Variants in LHFPL2 observed in about 807,000 individuals in gnomAD.
The protein encoded by LHFPL2 is LHFPL tetraspan subfamily member 2 protein.
In LHFPL2, 7 loss-of-function variants were observed where a neutral mutation model predicts 17.5. The observed-to-expected ratio is 0.40, with a 90% CI of 0.23 to 0.75. The LOEUF (loss-of-function observed/expected upper bound fraction) is 0.75, where lower values mean the gene tolerates loss of function less well. Among genes scored for constraint, LHFPL2 ranks in the 30% least tolerant of loss-of-function variants. The pLI is 0.37. For synonymous variants in LHFPL2, 134 were observed against 116.2 expected (o/e 1.15, Z -0.99); for missense variants, 241 against 294.8 (o/e 0.82, Z 1.34).
At chr5:78,629,751 T>C (rs1421349581) in intron 2 of LHFPL2, among the ~76,000 whole-genome samples, 1 of 152,214 alleles carries the variant, frequency 6.6e-6, no homozygotes, top group African/African-American at 2.4e-5. Flanking sequence ...TGTCTGCTAG[T>C]TGCCTTTGCT....
At chr5:78,584,156 G>C (rs1187468767) in intron 2 of LHFPL2, among the ~76,000 whole-genome samples, 1 of 147,796 alleles carries the variant, frequency 6.8e-6, no homozygotes, top group Non-Finnish European at 1.5e-5. Context: ...GCACTTCTCT[G>C]TATTGGTTAT....
chr5:78,620,377 T>G (rs898922893), intron 2 of LHFPL2, among the ~76,000 whole-genome samples: 1 of 152,184 alleles, frequency 6.6e-6, no homozygotes, highest in Non-Finnish European at 1.5e-5. Flanking sequence ...CGTAAATTTG[T>G]TTGAGTTCTT....
At position 78,509,944 on chromosome 5, in the gene LHFPL2, G is replaced by T; in HGVS notation, c.270C>A (p.Gly90=). The T allele has an allele frequency of 6.2e-7, 1 of 1,613,742 alleles. No homozygotes were observed. The change falls in exon 4 of 5, where the codon GGC becomes GGA. Residue 90 remains glycine, a synonymous_variant. Coordinates refer to ENST00000380345, the MANE Select transcript of LHFPL2 (RefSeq NM_005779.3). The part of the protein sequence containing the change: ...TLCGPYAESF[G]EIASGFWQAT... Reference sequence around the variant, plus strand: ...CCTGCCAGAAGCCGCTGGCGATCTCGCCGAAGCTCTCGGCGTAGGGCCCGC... The same window carrying T: ...CCTGCCAGAAGCCGCTGGCGATCTCTCCGAAGCTCTCGGCGTAGGGCCCGC...
chr5:78,552,894 A>T (rs546918073), intron 3 of LHFPL2, among the ~76,000 whole-genome samples: 1 of 152,278 alleles, frequency 6.6e-6, no homozygotes, highest in East Asian at 1.9e-4. Flanking sequence ...TGTAGCACAA[A>T]TTGTTGGTTT....
At chr5:78,547,987 C>A (rs1360501624) in intron 3 of LHFPL2, among the ~76,000 whole-genome samples, 3 of 152,250 alleles carry the variant, frequency 2.0e-5, no homozygotes, top group Non-Finnish European at 4.4e-5. Context: ...GACTCCCAGC[C>A]TGAGTCATTC....
chr5:78,538,446 G>A (rs1756013382), intron 3 of LHFPL2, among the ~76,000 whole-genome samples: 1 of 152,098 alleles, frequency 6.6e-6, no homozygotes, highest in Non-Finnish European at 1.5e-5. Flanking sequence ...TCAATACTGG[G>A]CCCACATGTC....
intron 3 of LHFPL2, among the ~76,000 whole-genome samples, chr5:78,531,341 C>T (rs1047280746): frequency 1.3e-4 from 20 of 149,368 alleles, no homozygotes; most frequent in African/African-American, 4.7e-4. Flanking sequence ...CTTGAATCCA[C>T]GAGGCAGAGG....
At position 78,648,298 on chromosome 5, in the gene LHFPL2, C is replaced by A. The variant is rs540066807; in HGVS notation, c.-350+201G>T. On this transcript the variant is annotated intron_variant, in intron 1 of 4. Coordinates refer to ENST00000380345, the MANE Select transcript of LHFPL2 (RefSeq NM_005779.3). The surrounding 1 kb of genome is among the most constrained non-coding windows in gnomAD (Gnocchi z 5.4). ...TTCCCTTCCCATTCCCAGCACCCAA[C>A]GCCCATCCCGCAGCACCTCCGACCG... Among the ~76,000 whole-genome samples the A allele has an allele frequency of 2.6e-5, 4 of 152,216 alleles. No individual in the cohort carries two copies. The highest frequency in any genetic ancestry group is 1.9e-4 in the East Asian group (1 of 5,168).
chr5:78,510,732 C>G (rs142493140), intron 3 of LHFPL2, among the ~76,000 whole-genome samples: 72 of 151,702 alleles, frequency 4.7e-4, no homozygotes, highest in African/African-American at 1.8e-3. Flanking sequence ...TCATCTTTTA[C>G]TGGAAAAAGT....
At chr5:78,538,776 C>T (rs1456696815) in intron 3 of LHFPL2, among the ~76,000 whole-genome samples, 1 of 152,184 alleles carries the variant, frequency 6.6e-6, no homozygotes, top group Non-Finnish European at 1.5e-5. Flanking sequence ...CAGGAGCACC[C>T]ACAGTATAAG....
chr5:78,599,511 A>G (rs936627364), intron 2 of LHFPL2, among the ~76,000 whole-genome samples: 2 of 150,580 alleles, frequency 1.3e-5, no homozygotes, highest in Non-Finnish European at 3.0e-5. Context: ...GGGTTTCACC[A>G]TGTTGGCCAG....
intron 2 of LHFPL2, among the ~76,000 whole-genome samples, chr5:78,582,867 T>C (rs1743201579): frequency 6.6e-6 from 1 of 152,188 alleles, no homozygotes; most frequent in South Asian, 2.1e-4. Context: ...CGTTGATCTG[T>C]CCAATGTTGA....
chr5:78,574,267 C>G (rs62378935), intron 2 of LHFPL2, among the ~76,000 whole-genome samples: 2 of 152,300 alleles, frequency 1.3e-5, no homozygotes, highest in African/African-American at 4.8e-5. Context: ...GGGGAGGGTG[C>G]CCTCTGTACA....
At chr5:78,506,369 A>G (rs1476424235) in intron 4 of LHFPL2, among the ~76,000 whole-genome samples, 1 of 152,212 alleles carries the variant, frequency 6.6e-6, no homozygotes, top group Non-Finnish European at 1.5e-5. Flanking sequence ...GCCTGAGTGT[A>G]TTTCTAAAGA....
chr5:78,617,341 A>G (rs1744657870), intron 2 of LHFPL2, among the ~76,000 whole-genome samples: 1 of 152,138 alleles, frequency 6.6e-6, no homozygotes, highest in Non-Finnish European at 1.5e-5. Context: ...AGAGTTCCTT[A>G]AAAGGAACAG....
chr5:78,617,379 C>T (rs1030891216), intron 2 of LHFPL2, among the ~76,000 whole-genome samples: 4 of 152,104 alleles, frequency 2.6e-5, no homozygotes, highest in Non-Finnish European at 4.4e-5. Context: ...GAAAGCTATT[C>T]GTTTTCTCTA....
At chr5:78,588,213 T>C (rs867279549) in intron 2 of LHFPL2, among the ~76,000 whole-genome samples, 3 of 152,228 alleles carry the variant, frequency 2.0e-5, no homozygotes, top group Admixed American at 6.5e-5. Context: ...CTTTGTGGCC[T>C]AGGCTGGAGT....
At chr5:78,500,104 T>C (rs1360379402) in intron 4 of LHFPL2, among the ~76,000 whole-genome samples, 1 of 151,680 alleles carries the variant, frequency 6.6e-6, no homozygotes, top group African/African-American at 2.4e-5. Flanking sequence ...CATTTGAAAT[T>C]ACAGATCCAT....
chr5:78,636,018 ACG>A (rs997771496), intron 1 of LHFPL2, among the ~76,000 whole-genome samples: 22 of 146,984 alleles, frequency 1.5e-4, no homozygotes, highest in East Asian at 8.1e-4. Flanking sequence ...ACACACACAC[ACG>A]CGCACACAAA....
Sources: allele counts gnomAD v4.1 joint callset (sites outside exome capture counted in the v4.1 genomes callset), GRCh38; gene constraint gnomAD v4.1.1; non-coding constraint Gnocchi (gnomAD v3.1); transcripts MANE v1.5; gene names NCBI Gene and HGNC (gene_info 2026-07-23, HGNC 2026-07-21).